The following USH1C variants were observed in gnomAD, a reference collection of about 807,000 sequenced individuals.
USH1C encodes the protein USH1 protein network component harmonin.
In USH1C, 90 loss-of-function variants were observed where a neutral mutation model predicts 119.3. The observed-to-expected ratio is 0.75, with a 90% CI of 0.64 to 0.90. The LOEUF is 0.90. Ranked by LOEUF, USH1C falls within the 40% of genes least tolerant of loss-of-function variation. The pLI is 0.00. For missense variants in USH1C, 1,165 were observed against 1,167.7 expected (o/e 1.00, Z 0.03); for synonymous variants, 465 against 443.3 (o/e 1.05, Z -0.62).
chr11:17,515,821 G>A (rs1324312777), intron 15 of USH1C, among the ~76,000 whole-genome samples: 7 of 152,206 alleles, frequency 4.6e-5, no homozygotes, highest in Admixed American at 3.9e-4. Context: ...TCCCCACCTC[G>A]TCAGCCAGGC....
chr11:17,505,719 G>T, intron 19 of USH1C, 111 bp downstream of exon 19: 1 of 1,502,420 alleles, frequency 6.7e-7, no homozygotes, highest in African/African-American at 1.4e-5. Context: ...TGGCATCTGT[G>T]ATCTGCATTT....
At position 17,521,195 on chromosome 11, in the gene USH1C, T is replaced by C; in HGVS notation, c.1085+151A>G. 3 of 1,045,614 alleles carry C rather than the reference T, an allele frequency of 2.9e-6. No individual in the cohort carries two copies. The South Asian group carries it at 3.9e-5, about 14-fold the overall frequency. 64.8% of individuals were successfully genotyped at this position (1,045,614 alleles called of 1,614,324 possible). ...ATACGAGACTATGTTTCAGTTACTA[T>C]AATATGACAGGCTTTACTACAAATA... On this transcript the variant is annotated intron_variant, in intron 13 of 26. Transcript: ENST00000005226.
intron 19 of USH1C, among the ~76,000 whole-genome samples, chr11:17,505,292 C>T (rs1307522290): frequency 6.6e-6 from 1 of 152,262 alleles, no homozygotes; most frequent in Non-Finnish European, 1.5e-5. Flanking sequence ...TCATGCCAGG[C>T]CACAACAGGC....
At chr11:17,524,396 C>T in intron 9 of USH1C, 55 bp downstream of exon 9, 1 of 1,536,956 alleles carries the variant, frequency 6.5e-7, no homozygotes, top group Admixed American at 2.0e-5. Flanking sequence ...CGCGGGATCA[C>T]AGTCTGACCC....
At chr11:17,527,629 C>T (rs1013021183) in intron 4 of USH1C, among the ~76,000 whole-genome samples, 1 of 152,150 alleles carries the variant, frequency 6.6e-6, no homozygotes, top group South Asian at 2.1e-4. Context: ...ACTCTCTGCA[C>T]CCTCACTCTA....
chr11:17,523,211 A>C lies in USH1C; in HGVS notation c.876T>G (p.Ala292=). 1 of 1,614,118 alleles carries C rather than the reference A, an allele frequency of 6.2e-7. No individual in the cohort carries two copies. The highest frequency in any genetic ancestry group is 1.1e-5 in the South Asian group (1 of 91,082). ...TCCCACCAGCTCATTCTGGACTTAC[A>C]GCTGCAGCTACAATGGAGATGGTCA... ...RSLTISIVAA[A]GRELFMTDRE... Residue 292 remains alanine (A), a splice_region_variant and synonymous_variant, in exon 11 of 27, where the codon GCT becomes GCG. Transcript: ENST00000005226.
At position 17,528,797 on chromosome 11, in the gene USH1C, G is replaced by A. The variant is rs541522410; in HGVS notation, c.388-1466C>T. On this transcript the variant is annotated intron_variant, in intron 4 of 26. Transcript: ENST00000005226. ...CAGGAGTGGCCAAGGGCTCAAAATGGCACTGGGGTGGGGGCCCACTAAAGA... is the reference window on the plus strand; with the variant it reads ...CAGGAGTGGCCAAGGGCTCAAAATGACACTGGGGTGGGGGCCCACTAAAGA... 2.6e-4 allele frequency among the ~76,000 whole-genome samples: 39 copies of A among 152,330 alleles called. 1 individual carries two copies. In the South Asian group the frequency reaches 7.7e-3, roughly 30 times the overall value.
intron 16 of USH1C, among the ~76,000 whole-genome samples, chr11:17,511,338 TGG>T (rs11297959): frequency 1.3e-5 from 2 of 149,742 alleles, no homozygotes; most frequent in African/African-American, 2.5e-5. Flanking sequence ...CTAAGTTGGG[TGG>T]GGGGGGGTCT....
intron 19 of USH1C, 41 bp from the exon 20 acceptor site, chr11:17,504,738 C>T: frequency 6.2e-7 from 1 of 1,608,862 alleles, no homozygotes; most frequent in Non-Finnish European, 8.5e-7. Flanking sequence ...TTGGATGTTA[C>T]CAATAGGTCT....
At chr11:17,502,088 T>C in intron 20 of USH1C, 108 bp from the exon 21 acceptor site, 1 of 1,210,734 alleles carries the variant, frequency 8.3e-7, no homozygotes, top group Non-Finnish European at 1.2e-6. Context: ...AAGTGAGGGG[T>C]AGGGCGGGAG....
rs1230649003 is a variant in USH1C at position 17,533,943 on chromosome 11, A to T, written c.37-621T>A. On this transcript the variant is annotated intron_variant, in intron 1 of 26. Transcript: ENST00000005226. ...CCCCAGGCCCCTGCACAAGCCCCGCAGGGGGAGCGTCAGGTTACATCATTT... is the reference window on the plus strand; with the variant it reads ...CCCCAGGCCCCTGCACAAGCCCCGCTGGGGGAGCGTCAGGTTACATCATTT... The T allele has an allele frequency of 1.3e-5, 4 of 297,952 alleles. No individual in the cohort carries two copies. In the East Asian group the frequency reaches 3.2e-4, roughly 24 times the overall value. 18.5% of individuals were successfully genotyped at this position (297,952 alleles called of 1,614,324 possible). A position where few individuals can be genotyped will look rare whatever the true frequency, so the allele number is the denominator to read the frequency against.
intron 1 of USH1C, among the ~76,000 whole-genome samples, chr11:17,535,947 G>GTCACA (rs1851218034): frequency 1.3e-5 from 2 of 152,172 alleles, no homozygotes; most frequent in Admixed American, 1.3e-4. Context: ...CATTGATTGT[G>GTCACA]ACTCAGGCCT....
Position 17,509,636 on chromosome 11 carries a change from G to A in USH1C, c.1733C>T (p.Ala578Val), listed in dbSNP as rs764344754. The A allele has an allele frequency of 1.0e-5, 16 of 1,591,950 alleles. No individual in the cohort carries two copies. The highest frequency in any genetic ancestry group is 1.7e-4 in the Middle Eastern group (1 of 5,984). The stretch of plus-strand genomic sequence containing the variant: ...GCCAGATAAGGGAAGGACAGGGGGC[G>A]CCGGGACCTTGTGGGGTGGGTTGGA... ...PPSNPPHKVPAPPVLPLSGHV... is the reference protein window; with the variant it reads ...PPSNPPHKVPVPPVLPLSGHV... The change falls in exon 18 of 27, where the codon GCG becomes GTG. Residue 578 changes from alanine to valine, a missense_variant. Transcript: ENST00000005226.
chr11:17,500,992 AGGGC>A, intron 23 of USH1C, 55 bp downstream of exon 23: 1 of 1,416,260 alleles, frequency 7.1e-7, no homozygotes, highest in Non-Finnish European at 9.9e-7. Context: ...GCTTTCCGGG[AGGGC>A]CCCGTCTAAC....
chr11:17,505,997 G>C (rs765925162), intron 18 of USH1C, 48 bp from the exon 19 acceptor site: 10 of 1,613,300 alleles, frequency 6.2e-6, no homozygotes, highest in East Asian at 4.5e-5. Context: ...TGGTGGGGTG[G>C]CCAAGGCCAG....
intron 23 of USH1C, among the ~76,000 whole-genome samples, chr11:17,500,253 C>A (rs975529971): frequency 6.6e-6 from 1 of 152,202 alleles, no homozygotes; most frequent in African/African-American, 2.4e-5. Context: ...CTGCAGAAGA[C>A]CTCAGACAGA....
intron 14 of USH1C, among the ~76,000 whole-genome samples, chr11:17,517,819 C>T (rs920147458): frequency 2.0e-5 from 3 of 152,122 alleles, no homozygotes; most frequent in African/African-American, 4.8e-5. Flanking sequence ...GAATCGCACA[C>T]GTTTGAGGGC....
chr11:17,505,854 C>T lies in USH1C; in HGVS notation c.2109G>A (p.Arg703=), dbSNP rs908548149. 6.2e-7 allele frequency: 1 copy of T among 1,613,976 alleles called. No homozygotes were observed. Among genetic ancestry groups the T allele is most frequent in the Non-Finnish European group, 8.5e-7 (1 of 1,180,012 alleles). The change falls in exon 19 of 27, where the codon AGG becomes AGA. Residue 703 remains arginine, a synonymous_variant. Coordinates refer to ENST00000005226, the MANE Select transcript of USH1C (RefSeq NM_153676.4). ...CCAGAACTTCAGATTTCACAGCTGG[C>T]CTGTAGATGAAATTGGGCTCCTGGT... ...MVHQEPNFIY[R]PAVKSEVLPQ... is the part of the protein sequence containing the mutation.
At chr11:17,500,074 C>T (rs975562682) in intron 23 of USH1C, among the ~76,000 whole-genome samples, 2 of 152,180 alleles carry the variant, frequency 1.3e-5, no homozygotes, top group Non-Finnish European at 1.5e-5. Context: ...AGACACTGTC[C>T]GACAGGTGAA....
Sources: allele counts gnomAD v4.1 joint callset (sites outside exome capture counted in the v4.1 genomes callset), GRCh38; gene constraint gnomAD v4.1.1; transcripts MANE v1.5; gene names NCBI Gene and HGNC (gene_info 2026-07-23, HGNC 2026-07-21).